The following TICAM2 variants were observed in gnomAD, a reference collection of about 807,000 sequenced individuals.
TICAM2 encodes the protein TIR domain-containing adapter molecule 2.
Under a neutral mutation model 7.3 loss-of-function variants are expected in TICAM2, and 8 were observed. The ratio of observed to expected loss-of-function variants is 1.10; its 90% CI spans 0.65 to 1.99. The LOEUF is 1.99. Ranked by LOEUF, TICAM2 falls within the 30% of genes most tolerant of loss-of-function variation. TICAM2 has a pLI of 0.00. For missense variants in TICAM2, 304 were observed against 278.8 expected (o/e 1.09, Z -0.65); for synonymous variants, 113 against 99.6 (o/e 1.13, Z -0.80).
intron 1 of TICAM2, among the ~76,000 whole-genome samples, chr5:115,588,964 C>T (rs1026122078): frequency 6.6e-6 from 1 of 152,170 alleles, no homozygotes; most frequent in African/African-American, 2.4e-5. Flanking sequence ...CCCAACGATA[C>T]TGTACATCTT....
intron 1 of TICAM2, among the ~76,000 whole-genome samples, chr5:115,591,706 AG>A (rs1337711291): frequency 6.6e-6 from 1 of 152,150 alleles, no homozygotes; most frequent in Non-Finnish European, 1.5e-5. Flanking sequence ...AAAACAAGCT[AG>A]AAAAAAAACC....
rs1174808346 is a variant in TICAM2, at chr5:115,580,877, TC to T, written c.379del (p.Asp127MetfsTer3). On this transcript the variant is annotated frameshift_variant, in exon 2 of 2. Transcript: ENST00000427199. LOFTEE classifies it high-confidence loss of function. ...TGTCCATGCAGACCCATTTACAGCA[TC>T]ATCTAAATTCTGTAAATGCTGTCTG... is the stretch of plus-strand genomic sequence containing the variant. The part of the protein sequence containing the change: ...CGRQHLQNLD[D>X]AVNGSAWTIL... 5 of 1,613,656 alleles carry T rather than the reference TC, an allele frequency of 3.1e-6. No individual in the cohort carries two copies. The highest frequency in any genetic ancestry group is 4.2e-6 in the Non-Finnish European group (5 of 1,179,618).
intron 1 of TICAM2, among the ~76,000 whole-genome samples, chr5:115,599,370 T>C (rs1000531891): frequency 3.3e-5 from 5 of 152,114 alleles, no homozygotes; most frequent in African/African-American, 4.8e-5. Flanking sequence ...ATTTTCTGTA[T>C]CTAAAAATGA....
rs747509114 is a variant in TICAM2 at position 115,580,845 on chromosome 5, A to G, written c.412T>C (p.Leu138=). ...AVNGSAWTIL[L]LTENFLRDTW... ...TCTCTTAAAAAGTTTTCAGTCAGTA[A>G]TAAGATTGTCCATGCAGACCCATTT... is the stretch of plus-strand genomic sequence containing the variant. Residue 138 remains leucine, a synonymous_variant, in exon 2 of 2, where the codon TTA becomes CTA. Transcript: ENST00000427199. The G allele has an allele frequency of 6.2e-7, 1 of 1,610,990 alleles. No individual in the cohort carries two copies.
chr5:115,584,160 T>C (rs1755024597), intron 1 of TICAM2, among the ~76,000 whole-genome samples: 1 of 152,196 alleles, frequency 6.6e-6, no homozygotes, highest in Admixed American at 6.5e-5. Flanking sequence ...TTCTTATTTT[T>C]CTTTCCTTTT....
intron 1 of TICAM2, among the ~76,000 whole-genome samples, chr5:115,595,080 T>C (rs1755458055): frequency 6.6e-6 from 1 of 152,170 alleles, no homozygotes; most frequent in Non-Finnish European, 1.5e-5. Context: ...GATATCAAAC[T>C]GGGCTTGGTA....
Position 115,580,563 on chromosome 5 carries a change from G to T in TICAM2, c.694C>A (p.Gln232Lys). ...WKETRNMVQR[Q>K]FIA ...TATGTTTCATCTCAGGCAATAAATT[G>T]TCTTTGTACCATATTTCTTGTCTCT... Residue 232 changes from glutamine to lysine, a missense_variant, in exon 2 of 2, where the codon CAA becomes AAA. Coordinates refer to ENST00000427199, the MANE Select transcript of TICAM2 (RefSeq NM_021649.7). 6.3e-7 allele frequency: 1 copy of T among 1,596,488 alleles called. No homozygotes were observed. Among genetic ancestry groups the T allele is most frequent in the Non-Finnish European group, 8.5e-7 (1 of 1,174,412 alleles).
chr5:115,596,695 G>A (rs1755524108), intron 1 of TICAM2, among the ~76,000 whole-genome samples: 1 of 152,184 alleles, frequency 6.6e-6, no homozygotes, highest in South Asian at 2.1e-4. Flanking sequence ...CAAGGTGGGT[G>A]GATCATGAGG....
At chr5:115,582,843 A>C (rs1312402393) in intron 1 of TICAM2, among the ~76,000 whole-genome samples, 1 of 151,652 alleles carries the variant, frequency 6.6e-6, no homozygotes, top group Non-Finnish European at 1.5e-5. Flanking sequence ...CTGTTCAACA[A>C]AAGTGGTGAA....
chr5:115,585,575 C>T (rs1755073851), intron 1 of TICAM2, among the ~76,000 whole-genome samples: 1 of 152,018 alleles, frequency 6.6e-6, no homozygotes, highest in South Asian at 2.1e-4. Context: ...AATATGCAAT[C>T]AATGAAACAA....
chr5:115,583,565 T>G (rs1024075087), intron 1 of TICAM2, among the ~76,000 whole-genome samples: 5 of 152,174 alleles, frequency 3.3e-5, no homozygotes, highest in Non-Finnish European at 7.3e-5. Context: ...CTATAAAACT[T>G]TACCATCATC....
chr5:115,598,019 C>T (rs1414792474), intron 1 of TICAM2, among the ~76,000 whole-genome samples: 3 of 152,214 alleles, frequency 2.0e-5, no homozygotes, highest in Middle Eastern at 3.4e-3. Context: ...GAAGAACTCA[C>T]GTGTTCTTCA....
At chr5:115,591,831 C>G (rs902735497) in intron 1 of TICAM2, among the ~76,000 whole-genome samples, 1 of 151,636 alleles carries the variant, frequency 6.6e-6, no homozygotes, top group African/African-American at 2.4e-5. Flanking sequence ...AATTGGAGTC[C>G]CAAATGAAAA....
chr5:115,587,596 G>A (rs889666639), intron 1 of TICAM2, among the ~76,000 whole-genome samples: 1 of 152,156 alleles, frequency 6.6e-6, no homozygotes, highest in Non-Finnish European at 1.5e-5. Context: ...TGGCATAGAG[G>A]GAAGAGTCAG....
In TICAM2 at chr5:115,580,467, T is replaced by C; in HGVS notation, c.*82A>G. ...GTGAAGACTCTCTTTTATTTAAACA[T>C]TTCCTAGAAACTGCTTTCTCAAGTG... On this transcript the variant is annotated 3_prime_UTR_variant, in exon 2 of 2. Coordinates refer to ENST00000427199, the MANE Select transcript of TICAM2 (RefSeq NM_021649.7). The C allele has an allele frequency of 7.0e-7, 1 of 1,427,040 alleles. No individual in the cohort carries two copies. The allele number at this position is 1,427,040 out of a possible 1,614,324, so 88.4% of individuals were successfully genotyped here. A position where few individuals can be genotyped will look rare whatever the true frequency, so the allele number is the denominator to read the frequency against.
chr5:115,588,960 G>A (rs72817130), intron 1 of TICAM2, among the ~76,000 whole-genome samples: 2,624 of 152,174 alleles, frequency 0.017, 41 homozygotes, highest in Non-Finnish European at 0.023. Flanking sequence ...CTTTCCCAAC[G>A]ATACTGTACA....
intron 1 of TICAM2, among the ~76,000 whole-genome samples, chr5:115,588,781 T>A (rs1298935669): frequency 6.6e-6 from 1 of 152,194 alleles, no homozygotes; most frequent in Non-Finnish European, 1.5e-5. Flanking sequence ...ATGAAGCACC[T>A]GTTTTGCTGG....
intron 1 of TICAM2, among the ~76,000 whole-genome samples, chr5:115,590,133 T>C (rs543989150): frequency 4.5e-4 from 69 of 152,256 alleles, no homozygotes; most frequent in Admixed American, 1.1e-3. Context: ...GGATCACTTA[T>C]GGCCAGGAGT....
chr5:115,586,671 C>T (rs1426211914), intron 1 of TICAM2, among the ~76,000 whole-genome samples: 2 of 152,196 alleles, frequency 1.3e-5, no homozygotes, highest in South Asian at 4.1e-4. Context: ...AGTACTGAAT[C>T]CTTCAGCCTT....
Sources: gnomAD v4.1 joint callset for allele counts (sites outside exome capture counted in the v4.1 genomes callset) on GRCh38, gnomAD v4.1.1 for gene constraint, MANE v1.5 for transcripts, NCBI Gene and HGNC (gene_info 2026-07-23, HGNC 2026-07-21) for gene names.